MEOX2: variants seen among roughly 807,000 people sequenced by gnomAD.
MEOX2 encodes the protein homeobox protein MOX-2.
Under a neutral mutation model 27.0 loss-of-function variants are expected in MEOX2, and 11 were observed. That is an observed-to-expected ratio of 0.41 (90% confidence interval 0.26 to 0.68). The LOEUF (loss-of-function observed/expected upper bound fraction) is 0.68, where lower values mean the gene tolerates loss of function less well. Ranked by LOEUF, MEOX2 falls within the 30% of genes least tolerant of loss-of-function variation. The pLI, the probability that MEOX2 is intolerant of heterozygous loss-of-function variation, is 0.33. For missense variants in MEOX2, 436 were observed against 385.4 expected (o/e 1.13, Z -1.10); for synonymous variants, 189 against 155.4 (o/e 1.22, Z -1.61).
rs183389463 is a variant in MEOX2, at chr7:15,620,870, G to C, written c.690+5876C>G. Among the ~76,000 whole-genome samples, 6 of 152,232 alleles carry C rather than the reference G, an allele frequency of 3.9e-5. No homozygotes were observed. The East Asian group carries it at 1.2e-3, about 30-fold the overall frequency. ...TACAAGTCTACAACATTACACCTTTGATTAGCTCTGTGAAAAAGATGTTTT... is the reference window on the plus strand; with the variant it reads ...TACAAGTCTACAACATTACACCTTTCATTAGCTCTGTGAAAAAGATGTTTT... On this transcript the variant is annotated intron_variant, in intron 2 of 2. Coordinates refer to ENST00000262041, the MANE Select transcript of MEOX2 (RefSeq NM_005924.5).
At chr7:15,664,351 C>T (rs962888115) in intron 1 of MEOX2, among the ~76,000 whole-genome samples, 5 of 152,000 alleles carry the variant, frequency 3.3e-5, no homozygotes, top group Non-Finnish European at 7.4e-5. Flanking sequence ...CTTACCTGAC[C>T]TTGTATTTCC....
chr7:15,641,664 G>A (rs1400455467), intron 1 of MEOX2, among the ~76,000 whole-genome samples: 1 of 152,098 alleles, frequency 6.6e-6, no homozygotes, highest in Non-Finnish European at 1.5e-5. Context: ...AGTGTTGTTA[G>A]ATAGTTGCTT....
rs185786581 is a variant in MEOX2 at position 15,615,720 on chromosome 7, T to C, written c.691-3109A>G. ...AATTTTCATATTTCTAATATTGGAA[T>C]CATAAGCCTTTCAAGATTCCCTATA... On this transcript the variant is annotated intron_variant, in intron 2 of 2. Transcript: ENST00000262041. 4.0e-3 allele frequency among the ~76,000 whole-genome samples: 614 copies of C among 152,162 alleles called. 4 individuals carry two copies. The highest frequency in any genetic ancestry group is 0.015 in the African/African-American group (604 of 41,562).
At chr7:15,679,432 G>A (rs1486351489) in intron 1 of MEOX2, 1 of 151,928 alleles carries the variant, frequency 6.6e-6, no homozygotes, top group African/African-American at 2.4e-5. Flanking sequence ...AGAAACATAC[G>A]TCTAACATCT....
At chr7:15,637,289 G>A (rs1781493456) in intron 1 of MEOX2, among the ~76,000 whole-genome samples, 1 of 151,952 alleles carries the variant, frequency 6.6e-6, no homozygotes, top group African/African-American at 2.4e-5. Flanking sequence ...GGTTGTAATT[G>A]CATAACAAAT....
intron 1 of MEOX2, among the ~76,000 whole-genome samples, chr7:15,628,394 C>T (rs1187603535): frequency 6.6e-6 from 1 of 151,970 alleles, no homozygotes; most frequent in African/African-American, 2.4e-5. Context: ...CAATAAGTTG[C>T]CTCAACACCT....
At position 15,661,012 on chromosome 7, in the gene MEOX2, CAAAAAAAAAAAAAAAA is replaced by C. The variant is rs71004402; in HGVS notation, c.517+24858_517+24873del. On this transcript the variant is annotated intron_variant, in intron 1 of 2. Transcript: ENST00000262041. ...TTGGCAACAGAGCGAGACTCAGTCT[CAAAAAAAAAAAAAAAA>C]AAAAAAAAAAAAAGAGAAAGAGAGA... Among the ~76,000 whole-genome samples the C allele has an allele frequency of 2.5e-4, 11 of 44,344 alleles. No individual in the cohort carries two copies. In the Admixed American group the frequency reaches 3.8e-3, roughly 15 times the overall value. 29.1% of individuals were successfully genotyped at this position (44,344 alleles called of 152,430 possible). A position where few individuals can be genotyped will look rare whatever the true frequency, so the allele number is the denominator to read the frequency against.
At chr7:15,666,397 T>C (rs1049208033) in intron 1 of MEOX2, among the ~76,000 whole-genome samples, 1 of 152,114 alleles carries the variant, frequency 6.6e-6, no homozygotes, top group African/African-American at 2.4e-5. Context: ...ATTTTTGAAA[T>C]ACAAAGTTTA....
chr7:15,680,134 C>T (rs1302900411), intron 1 of MEOX2: 6 of 151,738 alleles, frequency 4.0e-5, no homozygotes, highest in Non-Finnish European at 8.9e-5. Flanking sequence ...AAATTAATAA[C>T]CCATTCGATC....
chr7:15,639,425 G>T (rs1258789126), intron 1 of MEOX2, among the ~76,000 whole-genome samples: 3 of 151,800 alleles, frequency 2.0e-5, no homozygotes, highest in Admixed American at 6.6e-5. Context: ...CCAGTTTCTA[G>T]GTTTTCTGAT....
At chr7:15,613,963 T>A (rs534743190) in intron 2 of MEOX2, among the ~76,000 whole-genome samples, 1 of 152,008 alleles carries the variant, frequency 6.6e-6, no homozygotes, top group Non-Finnish European at 1.5e-5. Context: ...CTATCTTCTC[T>A]CAATGTATGC....
At chr7:15,639,242 G>T (rs1436526974) in intron 1 of MEOX2, among the ~76,000 whole-genome samples, 1 of 151,910 alleles carries the variant, frequency 6.6e-6, no homozygotes, top group African/African-American at 2.4e-5. Flanking sequence ...TGTTGAGCAT[G>T]TTTTCATATG....
chr7:15,627,080 G>T (rs1218157847), intron 1 of MEOX2, among the ~76,000 whole-genome samples, 162 bp from the exon 2 acceptor site: 1 of 151,868 alleles, frequency 6.6e-6, no homozygotes, highest in Non-Finnish European at 1.5e-5. Context: ...AACGGGGGGA[G>T]ATATAATTCT....
chr7:15,622,563 GA>G (rs761671713), intron 2 of MEOX2, among the ~76,000 whole-genome samples: 3 of 151,884 alleles, frequency 2.0e-5, no homozygotes, highest in Non-Finnish European at 2.9e-5. Flanking sequence ...TTTAACATAT[GA>G]AAAAAATAAG....
intron 1 of MEOX2, among the ~76,000 whole-genome samples, chr7:15,667,793 G>A (rs1228965932): frequency 6.6e-6 from 1 of 152,138 alleles, no homozygotes; most frequent in Non-Finnish European, 1.5e-5. Flanking sequence ...AAAGGAGAAA[G>A]TTTTTACAAG....
At chr7:15,640,515 T>C (rs116358758) in intron 1 of MEOX2, among the ~76,000 whole-genome samples, 2,804 of 152,220 alleles carry the variant, frequency 0.018, 96 homozygotes, top group African/African-American at 0.065. Context: ...TGAATGCCTT[T>C]TGTTTCTTTC....
At chr7:15,670,917 A>G (rs954750748) in intron 1 of MEOX2, among the ~76,000 whole-genome samples, 1 of 152,210 alleles carries the variant, frequency 6.6e-6, no homozygotes, top group Non-Finnish European at 1.5e-5. Context: ...TATTGCAGTC[A>G]CCTGGAAGCT....
At chr7:15,642,861 G>C (rs369017835) in intron 1 of MEOX2, among the ~76,000 whole-genome samples, 1 of 152,120 alleles carries the variant, frequency 6.6e-6, no homozygotes, top group Non-Finnish European at 1.5e-5. Context: ...GGGGGCCAAG[G>C]CTCTATATGA....
At chr7:15,683,782 G>A (rs118003550) in intron 1 of MEOX2, among the ~76,000 whole-genome samples, 3,316 of 152,118 alleles carry the variant, frequency 0.022, 58 homozygotes, top group Non-Finnish European at 0.032. Context: ...GGAAAGAAAA[G>A]CTCATTCTAA....
Sources: allele counts gnomAD v4.1 joint callset (sites outside exome capture counted in the v4.1 genomes callset), GRCh38; gene constraint gnomAD v4.1.1; transcripts MANE v1.5; gene names NCBI Gene and HGNC (gene_info 2026-07-23, HGNC 2026-07-21).